The following ERBB4 variants were observed in gnomAD, a reference collection of about 807,000 sequenced individuals.
The protein encoded by ERBB4 is erb-b2 receptor tyrosine kinase 4, also known as receptor tyrosine-protein kinase erbB-4.
ERBB4 carries 42 observed loss-of-function variants against 158.0 expected under a neutral mutation model. That is an observed-to-expected ratio of 0.27 (90% confidence interval 0.21 to 0.34). The LOEUF (loss-of-function observed/expected upper bound fraction) is 0.34. Among genes scored for constraint, ERBB4 ranks in the 10% least tolerant of loss-of-function variants. The pLI is 1.00. For missense variants in ERBB4, 1,333 were observed against 1,624.1 expected (o/e 0.82, Z 3.08); for synonymous variants, 583 against 558.7 (o/e 1.04, Z -0.61).
intron 3 of ERBB4, among the ~76,000 whole-genome samples, chr2:211,868,664 A>G (rs1575282642): frequency 6.6e-6 from 1 of 152,140 alleles, no homozygotes; most frequent in South Asian, 2.1e-4. Flanking sequence ...AGGAACCCTT[A>G]TTTTATTCCT....
chr2:211,823,374 T>C (rs2077034964), intron 3 of ERBB4, among the ~76,000 whole-genome samples: 1 of 151,950 alleles, frequency 6.6e-6, no homozygotes, highest in African/African-American at 2.4e-5. Context: ...TTTTCATGTA[T>C]TTGAACTGAA....
chr2:211,652,603 G>T (rs2071035277), intron 16 of ERBB4, among the ~76,000 whole-genome samples: 1 of 152,122 alleles, frequency 6.6e-6, no homozygotes, highest in South Asian at 2.1e-4. Context: ...ACTGTTATGT[G>T]ACCTGTTACT....
chr2:212,463,378 G>T (rs1046251432), intron 1 of ERBB4, among the ~76,000 whole-genome samples: 26 of 152,066 alleles, frequency 1.7e-4, no homozygotes, highest in East Asian at 9.6e-4. Flanking sequence ...ATGAACATTT[G>T]TGTCAATTAA....
At chr2:211,483,523 GTTTGTTTTTCT>G (rs1468183011) in intron 20 of ERBB4, among the ~76,000 whole-genome samples, 2 of 151,744 alleles carry the variant, frequency 1.3e-5, no homozygotes, top group African/African-American at 4.8e-5. Context: ...TTCTTTTTTT[GTTTGTTTTTCT>G]TTTGTTTGTT....
At chr2:211,788,905 G>T (rs996601309) in intron 3 of ERBB4, among the ~76,000 whole-genome samples, 5 of 152,080 alleles carry the variant, frequency 3.3e-5, no homozygotes, top group African/African-American at 1.2e-4. Context: ...AAATCCTGTG[G>T]TTCACTGAAG....
At chr2:212,372,431 T>C (rs999900859) in intron 1 of ERBB4, among the ~76,000 whole-genome samples, 1 of 152,120 alleles carries the variant, frequency 6.6e-6, no homozygotes, top group Admixed American at 6.6e-5. Context: ...CAAGCTTCCT[T>C]TGCCTAGCTC....
intron 1 of ERBB4, among the ~76,000 whole-genome samples, chr2:212,191,778 G>A (rs904715783): frequency 5.5e-5 from 7 of 126,630 alleles, no homozygotes; most frequent in Non-Finnish European, 8.2e-5. Flanking sequence ...TATATAACAC[G>A]TGTGTTATAT....
At chr2:211,630,634 A>C in intron 16 of ERBB4, 40 bp from the exon 17 acceptor site, 3 of 1,549,038 alleles carry the variant, frequency 1.9e-6, no homozygotes, top group Non-Finnish European at 2.7e-6. Context: ...AAAAAGTATG[A>C]AGAGAGAGAA....
intron 20 of ERBB4, among the ~76,000 whole-genome samples, chr2:211,519,473 G>A (rs1045199359): frequency 3.9e-5 from 6 of 152,050 alleles, no homozygotes; most frequent in African/African-American, 1.4e-4. Flanking sequence ...GGCTACTGAA[G>A]CCACAACACT....
intron 2 of ERBB4, among the ~76,000 whole-genome samples, chr2:211,967,080 A>C (rs1361677345): frequency 6.6e-6 from 1 of 152,138 alleles, no homozygotes; most frequent in Admixed American, 6.6e-5. Flanking sequence ...CACTTAGCGT[A>C]CTTAAATGAC....
At chr2:211,915,405 C>T (rs1356697555) in intron 3 of ERBB4, among the ~76,000 whole-genome samples, 1 of 150,100 alleles carries the variant, frequency 6.7e-6, no homozygotes, top group Non-Finnish European at 1.5e-5. Context: ...TTAAATAGCA[C>T]ATAGAAGGCA....
intron 1 of ERBB4, among the ~76,000 whole-genome samples, chr2:212,260,840 TCTAA>T (rs1370553704): frequency 3.3e-5 from 5 of 151,856 alleles, no homozygotes; most frequent in East Asian, 3.9e-4. Flanking sequence ...AAGTAGGCAC[TCTAA>T]CTGTCTCTAT....
At chr2:212,479,905 G>T (rs1689600549) in intron 1 of ERBB4, among the ~76,000 whole-genome samples, 1 of 152,206 alleles carries the variant, frequency 6.6e-6, no homozygotes, top group South Asian at 2.1e-4. Flanking sequence ...GTAGGTCATG[G>T]CCTCACAAAG....
chr2:211,748,900 C>T (rs538460522), intron 5 of ERBB4, among the ~76,000 whole-genome samples: 15 of 152,146 alleles, frequency 9.9e-5, no homozygotes, highest in Non-Finnish European at 1.8e-4. Context: ...TGGTCACATG[C>T]GTGTCAGACC....
chr2:212,511,104 T>C (rs1170759274), intron 1 of ERBB4, among the ~76,000 whole-genome samples: 1 of 152,162 alleles, frequency 6.6e-6, no homozygotes, highest in Non-Finnish European at 1.5e-5. Flanking sequence ...ATATTCTTTC[T>C]CTAAATTATT....
chr2:211,812,356 G>A (rs747393840), intron 3 of ERBB4, among the ~76,000 whole-genome samples: 26 of 152,230 alleles, frequency 1.7e-4, no homozygotes, highest in Admixed American at 1.5e-3. Flanking sequence ...CGGAGGCTGC[G>A]GAACAGCAAA....
chr2:211,599,077 C>G (rs2068721130), intron 19 of ERBB4, among the ~76,000 whole-genome samples: 1 of 152,182 alleles, frequency 6.6e-6, no homozygotes, highest in South Asian at 2.1e-4. Context: ...AATACACTGA[C>G]TGTTAAAACT....
At chr2:211,854,376 T>A (rs1478259451) in intron 3 of ERBB4, among the ~76,000 whole-genome samples, 2 of 152,106 alleles carry the variant, frequency 1.3e-5, no homozygotes, top group Non-Finnish European at 2.9e-5. Context: ...AATATGTTCA[T>A]CAATTTTCAC....
chr2:211,775,108 A>T (rs1345544219), intron 4 of ERBB4, among the ~76,000 whole-genome samples: 1 of 152,206 alleles, frequency 6.6e-6, no homozygotes, highest in Non-Finnish European at 1.5e-5. Context: ...TTAAACTTAC[A>T]GGGGAATTAA....
Sources: allele counts gnomAD v4.1 joint callset (sites outside exome capture counted in the v4.1 genomes callset), GRCh38; gene constraint gnomAD v4.1.1; transcripts MANE v1.5; gene names NCBI Gene and HGNC (gene_info 2026-07-23, HGNC 2026-07-21).